Variants in C21orf91 observed in about 807,000 individuals in gnomAD.
The protein encoded by C21orf91 is protein EURL homolog.
C21orf91 carries 26 observed loss-of-function variants against 32.9 expected under a neutral mutation model. The observed-to-expected ratio is 0.79, with a 90% CI of 0.58 to 1.10. The LOEUF (loss-of-function observed/expected upper bound fraction) is 1.10. Ranked by LOEUF, C21orf91 falls within the 50% of genes least tolerant of loss-of-function variation. The pLI, the probability that C21orf91 is intolerant of heterozygous loss-of-function variation, is 0.00. For missense variants in C21orf91, 310 were observed against 341.3 expected, an observed-to-expected ratio of 0.91 and a Z score of 0.72; for synonymous variants, 126 against 120.4, an observed-to-expected ratio of 1.05 and a Z score of -0.31.
At chr21:17,799,395 C>T (rs2146250282) in intron 2 of C21orf91, among the ~76,000 whole-genome samples, 1 of 152,274 alleles carries the variant, frequency 6.6e-6, no homozygotes, top group South Asian at 2.1e-4. Flanking sequence ...TCTCACCACA[C>T]AACTCCAAAA....
intron 2 of C21orf91, among the ~76,000 whole-genome samples, chr21:17,807,083 A>ATG (rs2062601180): frequency 6.6e-6 from 1 of 152,198 alleles, no homozygotes; most frequent in African/African-American, 2.4e-5. Flanking sequence ...ATTATATTTT[A>ATG]TCTATACTGT....
intron 2 of C21orf91, among the ~76,000 whole-genome samples, chr21:17,800,917 T>G (rs899982120): frequency 6.6e-6 from 1 of 152,144 alleles, no homozygotes; most frequent in Non-Finnish European, 1.5e-5. Flanking sequence ...CTGGAGAGGA[T>G]GTGGAGAAAT....
intron 2 of C21orf91, among the ~76,000 whole-genome samples, chr21:17,800,779 G>C (rs1408923502): frequency 1.3e-5 from 2 of 152,140 alleles, no homozygotes; most frequent in Non-Finnish European, 2.9e-5. Context: ...ACATCTTTAA[G>C]ATACTTCAAA....
intron 2 of C21orf91, among the ~76,000 whole-genome samples, chr21:17,798,759 C>T (rs1329629061): frequency 2.6e-5 from 4 of 152,116 alleles, no homozygotes; most frequent in African/African-American, 9.7e-5. Flanking sequence ...AAAGGAAGCT[C>T]ACGAGCTCTG....
chr21:17,802,037 G>T (rs2062565440), intron 2 of C21orf91, among the ~76,000 whole-genome samples: 1 of 152,058 alleles, frequency 6.6e-6, no homozygotes, highest in African/African-American at 2.4e-5. Context: ...CATCTGGCAT[G>T]CTATCCCCAT....
intron 2 of C21orf91, among the ~76,000 whole-genome samples, chr21:17,803,608 GATCTT>G (rs1196611656): frequency 1.3e-5 from 2 of 152,112 alleles, no homozygotes; most frequent in Middle Eastern, 3.2e-3. Flanking sequence ...TTTTTGTGAT[GATCTT>G]ATCTTGGATG....
At chr21:17,812,485 T>C (rs1429470442) in intron 2 of C21orf91, among the ~76,000 whole-genome samples, 1 of 151,784 alleles carries the variant, frequency 6.6e-6, no homozygotes, top group Non-Finnish European at 1.5e-5. Flanking sequence ...ATTGTAGGAG[T>C]GGGTTAGTTA....
At chr21:17,805,392 C>T (rs2062587748) in intron 2 of C21orf91, among the ~76,000 whole-genome samples, 1 of 152,188 alleles carries the variant, frequency 6.6e-6, no homozygotes, top group Admixed American at 6.5e-5. Context: ...TGGCTCACTG[C>T]AACCTCTGCC....
chr21:17,802,154 T>C (rs2062566120), intron 2 of C21orf91, among the ~76,000 whole-genome samples: 1 of 152,172 alleles, frequency 6.6e-6, no homozygotes, highest in Non-Finnish European at 1.5e-5. Context: ...TTAGCTCTAG[T>C]TGCCATCATT....
intron 2 of C21orf91, chr21:17,808,987 CCTT>C (rs1237683299): frequency 1.3e-5 from 2 of 152,248 alleles, no homozygotes; most frequent in East Asian, 1.9e-4. Flanking sequence ...GTATGTAGCA[CCTT>C]CTTCTTCTCT....
At chr21:17,813,996 A>G (rs1016835082) in intron 2 of C21orf91, 1 of 152,220 alleles carries the variant, frequency 6.6e-6, no homozygotes, top group Non-Finnish European at 1.5e-5. Flanking sequence ...AACAAAGCTA[A>G]GCTAGCTTAA....
At chr21:17,815,715 C>T (rs1244496078) in intron 2 of C21orf91, among the ~76,000 whole-genome samples, 2 of 151,760 alleles carry the variant, frequency 1.3e-5, no homozygotes, top group African/African-American at 2.4e-5. Flanking sequence ...GGATGGAGTG[C>T]GATGGCACAA....
intron 2 of C21orf91, chr21:17,810,748 A>G (rs764722302): frequency 6.6e-6 from 1 of 152,244 alleles, no homozygotes. Context: ...CTTCTGGGTA[A>G]GGACCAGCAA....
In C21orf91 at chr21:17,793,373, A is replaced by T. The variant is rs2062492103; in HGVS notation, c.*42T>A. ...CTTCTTCAAAGTTTGCATGTCTGGG[A>T]GACCAATAAAGGGCAGGGCATACGA... On this transcript the variant is annotated 3_prime_UTR_variant, in exon 5 of 5. Coordinates refer to ENST00000284881, the MANE Select transcript of C21orf91 (RefSeq NM_001100420.2). 7.0e-7 allele frequency: 1 copy of T among 1,431,322 alleles called. No individual in the cohort carries two copies. Among genetic ancestry groups the T allele is most frequent in the South Asian group, 1.5e-5 (1 of 64,830 alleles). 88.7% of individuals were successfully genotyped at this position (1,431,322 alleles called of 1,614,324 possible).
At chr21:17,808,670 G>A (rs1164254886) in intron 2 of C21orf91, among the ~76,000 whole-genome samples, 1 of 152,210 alleles carries the variant, frequency 6.6e-6, no homozygotes, top group Non-Finnish European at 1.5e-5. Context: ...AGACAGAAAG[G>A]ACTTGCTGTC....
intron 2 of C21orf91, among the ~76,000 whole-genome samples, chr21:17,816,471 A>G (rs1732591015): frequency 6.6e-6 from 1 of 152,228 alleles, no homozygotes. Flanking sequence ...AGGATAACCA[A>G]TTAGGATTAG....
In C21orf91 at chr21:17,789,739, G is replaced by C. The variant is rs916571510; in HGVS notation, c.*3676C>G. The stretch of plus-strand genomic sequence containing the variant: ...GTGAAATGAAAATACTGAGATGCAA[G>C]CATTATAGCCCTCCTCCAAGTTACC... On this transcript the variant is annotated 3_prime_UTR_variant, in exon 5 of 5. Transcript: ENST00000284881. 6.6e-6 allele frequency: 1 copy of C among 152,078 alleles called. No homozygotes were observed. The highest frequency in any genetic ancestry group is 1.5e-5 in the Non-Finnish European group (1 of 67,970). 9.4% of individuals were successfully genotyped at this position (152,078 alleles called of 1,614,324 possible).
chr21:17,802,172 T>C (rs2062566281), intron 2 of C21orf91, among the ~76,000 whole-genome samples: 2 of 152,188 alleles, frequency 1.3e-5, no homozygotes, highest in African/African-American at 2.4e-5. Context: ...ATTACTCTTA[T>C]TTTTTTGAGA....
At chr21:17,816,192 G>T (rs915747775) in intron 2 of C21orf91, among the ~76,000 whole-genome samples, 2 of 152,146 alleles carry the variant, frequency 1.3e-5, no homozygotes, top group Non-Finnish European at 2.9e-5. Context: ...ACACTGAAGG[G>T]AACTATGATT....
Sources: allele counts gnomAD v4.1 joint callset (sites outside exome capture counted in the v4.1 genomes callset), GRCh38; gene constraint gnomAD v4.1.1; transcripts MANE v1.5; gene names NCBI Gene and HGNC (gene_info 2026-07-23, HGNC 2026-07-21).